The following CLIP4 variants were observed in gnomAD, a reference collection of about 807,000 sequenced individuals.
CLIP4 encodes the protein CAP-Gly domain-containing linker protein 4.
A neutral mutation model predicts 73.1 loss-of-function variants in CLIP4; 47 were observed. The ratio of observed to expected loss-of-function variants is 0.64; its 90% CI spans 0.51 to 0.82. The LOEUF is 0.82. CLIP4 is among the 40% of genes least tolerant of loss of function. The probability of loss-of-function intolerance (pLI) is 0.00; values close to 1 mark genes in which losing one functional copy is unlikely to be tolerated. For synonymous variants in CLIP4, 306 were observed against 295.4 expected, an observed-to-expected ratio of 1.04 and a Z score of -0.37; for missense variants, 874 against 852.9, an observed-to-expected ratio of 1.02 and a Z score of -0.31.
chr2:29,176,411 G>A (rs1233667142), intron 15 of CLIP4, among the ~76,000 whole-genome samples: 2 of 152,238 alleles, frequency 1.3e-5, no homozygotes, highest in African/African-American at 2.4e-5. Flanking sequence ...GGATAATCTA[G>A]TCAGAGATGA....
In CLIP4 at chr2:29,181,869, A is replaced by C; in HGVS notation, c.2094A>C (p.Ser698=). 6.2e-7 allele frequency: 1 copy of C among 1,608,800 alleles called. No homozygotes were observed. The highest frequency in any genetic ancestry group is 8.5e-7 in the Non-Finnish European group (1 of 1,176,242). The change falls in exon 16 of 16, where the codon TCA becomes TCC. Residue 698 remains serine (S), a synonymous_variant. Coordinates refer to ENST00000320081, the MANE Select transcript of CLIP4 (RefSeq NM_024692.6). ...TGACCTATCGGGGAATTAATGGGTCAAAACTTGTGGATGAGAATTGTTAAG... is the reference window on the plus strand; with the variant it reads ...TGACCTATCGGGGAATTAATGGGTCCAAACTTGTGGATGAGAATTGTTAAG... The part of the protein sequence containing the change: ...SRVTYRGING[S]KLVDENC
intron 5 of CLIP4, among the ~76,000 whole-genome samples, chr2:29,134,416 A>C (rs1233358870): frequency 1.3e-5 from 2 of 152,202 alleles, no homozygotes; most frequent in Non-Finnish European, 2.9e-5. Context: ...GTTAAGTTAA[A>C]GTGTACAATA....
At chr2:29,146,798 G>A (rs114958624) in intron 8 of CLIP4, among the ~76,000 whole-genome samples, 4,047 of 152,242 alleles carry the variant, frequency 0.027, 156 homozygotes, top group African/African-American at 0.093. Context: ...GTGAAATAGG[G>A]ATGACACTAT....
chr2:29,175,410 G>C (rs547009025), intron 15 of CLIP4: 1 of 152,300 alleles, frequency 6.6e-6, no homozygotes, highest in Non-Finnish European at 1.5e-5. Context: ...TTATGCTCCA[G>C]TTTATTGAAG....
intron 9 of CLIP4, among the ~76,000 whole-genome samples, chr2:29,155,106 T>C (rs1161265406): frequency 2.0e-5 from 3 of 152,030 alleles, no homozygotes; most frequent in Non-Finnish European, 4.4e-5. Context: ...AATGAACACA[T>C]AAAGATTTTA....
chr2:29,147,508 A>G (rs1666252717), intron 8 of CLIP4, among the ~76,000 whole-genome samples: 1 of 152,094 alleles, frequency 6.6e-6, no homozygotes, highest in South Asian at 2.1e-4. Context: ...TTCCTAATCT[A>G]AGGATTATAC....
chr2:29,165,514 A>G (rs753120815), intron 13 of CLIP4, among the ~76,000 whole-genome samples: 2 of 152,126 alleles, frequency 1.3e-5, no homozygotes, highest in Non-Finnish European at 2.9e-5. Flanking sequence ...CTTAACCGTA[A>G]CCCTATAACG....
upstream of CLIP4, chr2:29,114,098 T>G (rs1333064341): frequency 6.6e-6 from 1 of 151,698 alleles, no homozygotes; most frequent in African/African-American, 2.4e-5. Context: ...ATTGTGGGTT[T>G]TAGTCAAGTG....
chr2:29,119,016 G>C (rs1009538109), intron 1 of CLIP4, among the ~76,000 whole-genome samples: 6 of 152,186 alleles, frequency 3.9e-5, no homozygotes, highest in Admixed American at 3.9e-4. Context: ...GAGACTATAA[G>C]GAAGTTTATA....
chr2:29,157,492 A>G (rs1169495060), intron 11 of CLIP4, 145 bp downstream of exon 11: 3 of 1,278,060 alleles, frequency 2.3e-6, no homozygotes, highest in East Asian at 2.5e-5. Flanking sequence ...CCTCCCCCGA[A>G]CCTTAAGCCT....
At chr2:29,101,465 G>A (rs1410320401) in intron 1 of CLIP4, among the ~76,000 whole-genome samples, 2 of 152,102 alleles carry the variant, frequency 1.3e-5, no homozygotes, top group African/African-American at 4.8e-5. Context: ...TCCAGCATAG[G>A]GGGAATGATG....
chr2:29,161,510 C>T (rs1190864954), intron 12 of CLIP4, among the ~76,000 whole-genome samples: 2 of 152,078 alleles, frequency 1.3e-5, no homozygotes, highest in African/African-American at 4.8e-5. Context: ...ATTCGCCTGC[C>T]ACAGTTTCAT....
intron 1 of CLIP4, among the ~76,000 whole-genome samples, chr2:29,105,734 CTG>C (rs554851282): frequency 2.0e-3 from 301 of 152,290 alleles, no homozygotes; most frequent in Non-Finnish European, 3.5e-3. Flanking sequence ...TTGGAATTAA[CTG>C]TTTTTATAAA....
intron 3 of CLIP4, 49 bp from the exon 4 acceptor site, chr2:29,132,103 A>G: frequency 2.2e-6 from 3 of 1,387,310 alleles, no homozygotes; most frequent in Non-Finnish European, 2.0e-6. Flanking sequence ...TGAAAGCAAT[A>G]GGTACCTCAG....
intron 6 of CLIP4, among the ~76,000 whole-genome samples, chr2:29,136,686 A>G (rs993640881): frequency 1.3e-5 from 2 of 152,144 alleles, no homozygotes; most frequent in African/African-American, 4.8e-5. Context: ...TACATAGGCA[A>G]GAATTAAACA....
chr2:29,182,472 G>A lies in CLIP4; in HGVS notation c.*579G>A, dbSNP rs1668690950. The A allele has an allele frequency of 6.6e-6, 1 of 152,360 alleles. No individual in the cohort carries two copies. The highest frequency in any genetic ancestry group is 1.5e-5 in the Non-Finnish European group (1 of 68,076). The allele number at this position is 152,360 out of a possible 1,614,324, so 9.4% of individuals were successfully genotyped here. On this transcript the variant is annotated 3_prime_UTR_variant, in exon 16 of 16. Coordinates refer to ENST00000320081, the MANE Select transcript of CLIP4 (RefSeq NM_024692.6). Reference sequence around the variant, plus strand: ...AATTTTGGAGTTGGAAGGGGCCTTAGAGGCTCTCCAGCTCTGCTTCTTGCC... The same window carrying A: ...AATTTTGGAGTTGGAAGGGGCCTTAAAGGCTCTCCAGCTCTGCTTCTTGCC...
At chr2:29,154,299 A>G (rs3100243) in intron 9 of CLIP4, among the ~76,000 whole-genome samples, 68,069 of 151,908 alleles carry the variant, frequency 0.45, 16,431 homozygotes, top group Non-Finnish European at 0.56. Flanking sequence ...CTCCTATTAG[A>G]TAGAATGTGG....
Position 29,157,277 on chromosome 2 carries a change from A to G in CLIP4, c.1329A>G (p.Lys443=). The change falls in exon 11 of 16, where the codon AAA becomes AAG. Residue 443 remains lysine (K), a synonymous_variant. Coordinates refer to ENST00000320081, the MANE Select transcript of CLIP4 (RefSeq NM_024692.6). The part of the protein sequence containing the change: ...SLEHRQSYPK[K]QNAISSNKKT... ...AACACAGACAGAGCTACCCCAAGAA[A>G]CAGAATGCAATCAGCAGTAACAAGA... The G allele has an allele frequency of 6.2e-7, 1 of 1,614,148 alleles. No individual in the cohort carries two copies. Among genetic ancestry groups the G allele is most frequent in the South Asian group, 1.1e-5 (1 of 91,086 alleles).
intron 1 of CLIP4, among the ~76,000 whole-genome samples, chr2:29,107,375 T>G (rs984723891): frequency 0.011 from 1,360 of 129,282 alleles, 70 homozygotes; most frequent in African/African-American, 0.037. Flanking sequence ...TTTTTTTTTT[T>G]TTTTTTTTTT....
Sources: gnomAD v4.1 joint callset for allele counts (sites outside exome capture counted in the v4.1 genomes callset) on GRCh38, gnomAD v4.1.1 for gene constraint, MANE v1.5 for transcripts, NCBI Gene and HGNC (gene_info 2026-07-23, HGNC 2026-07-21) for gene names.